Variants in C1orf87 observed in about 807,000 individuals in gnomAD.
The protein encoded by C1orf87 is chromosome 1 open reading frame 87, also known as uncharacterized protein C1orf87.
A neutral mutation model predicts 60.5 loss-of-function variants in C1orf87; 58 were observed. That is an observed-to-expected ratio of 0.96 (90% confidence interval 0.78 to 1.19). The LOEUF (loss-of-function observed/expected upper bound fraction) is 1.19. Among genes scored for constraint, C1orf87 ranks in the 50% most tolerant of loss-of-function variants. The probability of loss-of-function intolerance (pLI) is 0.00; values close to 1 mark genes in which losing one functional copy is unlikely to be tolerated. For missense variants in C1orf87, 673 were observed against 638.6 expected (o/e 1.05, Z -0.58); for synonymous variants, 236 against 227.4 (o/e 1.04, Z -0.34).
At chr1:60,055,895 G>GA (rs147776737) in intron 2 of C1orf87, among the ~76,000 whole-genome samples, 33,687 of 146,838 alleles carry the variant, frequency 0.23, 4,465 homozygotes, top group Middle Eastern at 0.35. Flanking sequence ...TTAGAGAAAA[G>GA]AAAAAAAAAA....
intron 2 of C1orf87, among the ~76,000 whole-genome samples, chr1:60,066,623 T>C (rs1200277088): frequency 1.3e-5 from 2 of 152,156 alleles, no homozygotes; most frequent in African/African-American, 4.8e-5. Context: ...TGGAATCAAC[T>C]TATTCCAAAC....
intron 3 of C1orf87, among the ~76,000 whole-genome samples, chr1:60,047,574 T>C (rs1645381692): frequency 6.6e-6 from 1 of 152,208 alleles, no homozygotes; most frequent in Non-Finnish European, 1.5e-5. Context: ...GGCCTAGTCA[T>C]TGTTTCTAAA....
chr1:60,059,861 G>C (rs1209992853), intron 2 of C1orf87, among the ~76,000 whole-genome samples: 1 of 152,130 alleles, frequency 6.6e-6, no homozygotes, highest in Non-Finnish European at 1.5e-5. Context: ...AGTGAATGGG[G>C]ATCTAATTTC....
intron 8 of C1orf87, among the ~76,000 whole-genome samples, chr1:60,012,090 C>A (rs528928066): frequency 6.6e-6 from 1 of 152,028 alleles, no homozygotes; most frequent in Non-Finnish European, 1.5e-5. Flanking sequence ...ATGGAAGCAT[C>A]TCCTGTCTTC....
At chr1:60,020,672 T>C (rs1208614788) in intron 8 of C1orf87, among the ~76,000 whole-genome samples, 2 of 152,198 alleles carry the variant, frequency 1.3e-5, no homozygotes, top group African/African-American at 4.8e-5. Context: ...ATCTTGGAAG[T>C]AAGTGACTTG....
At chr1:60,005,558 CAA>C (rs893366074) in intron 9 of C1orf87, among the ~76,000 whole-genome samples, 4 of 152,024 alleles carry the variant, frequency 2.6e-5, no homozygotes, top group Non-Finnish European at 4.4e-5. Context: ...GGAGGAGAAA[CAA>C]GAGAGCAAGC....
intron 2 of C1orf87, among the ~76,000 whole-genome samples, chr1:60,061,119 T>C (rs140272274): frequency 7.9e-5 from 12 of 152,278 alleles, no homozygotes; most frequent in African/African-American, 2.9e-4. Context: ...ACATGGTCTA[T>C]GGGAACGAGG....
intron 11 of C1orf87, among the ~76,000 whole-genome samples, chr1:59,992,302 C>T (rs1644930144): frequency 6.6e-6 from 1 of 151,820 alleles, no homozygotes; most frequent in African/African-American, 2.4e-5. Context: ...GTTGCCTAGG[C>T]TGGAGTACAG....
At chr1:60,020,112 C>T (rs1233249706) in intron 8 of C1orf87, among the ~76,000 whole-genome samples, 1 of 152,130 alleles carries the variant, frequency 6.6e-6, no homozygotes, top group African/African-American at 2.4e-5. Context: ...TTCAGAGATC[C>T]TGGCAGCTCC....
intron 11 of C1orf87, among the ~76,000 whole-genome samples, chr1:59,993,131 G>A (rs1243230917): frequency 6.6e-6 from 1 of 152,132 alleles, no homozygotes; most frequent in Non-Finnish European, 1.5e-5. Context: ...TAAGGTGGGA[G>A]GATCATTTGA....
rs1157742824 is a variant in C1orf87 at position 59,997,763 on chromosome 1, G to A, written c.1326C>T (p.Ala442=). ...QPESSPAETS[A]CKDPLKPLKI... ...TTAAAGGTTTCAGAGGATCTTTGCA[G>A]GCTGAAGTTTCAGCAGGAGAGCTTT... The change falls in exon 11 of 12, where the codon GCC becomes GCT. Residue 442 remains alanine (A), a synonymous_variant. Transcript: ENST00000371201. The A allele has an allele frequency of 2.5e-6, 4 of 1,613,906 alleles. No homozygotes were observed. Among genetic ancestry groups the A allele is most frequent in the Non-Finnish European group, 3.4e-6 (4 of 1,179,886 alleles).
chr1:60,007,126 G>T (rs1015899597), intron 9 of C1orf87, among the ~76,000 whole-genome samples: 7 of 151,886 alleles, frequency 4.6e-5, no homozygotes, highest in African/African-American at 1.7e-4. Flanking sequence ...TGCCCAGGCT[G>T]GTCTCAAACT....
intron 11 of C1orf87, among the ~76,000 whole-genome samples, chr1:59,993,764 T>TC (rs1644943193): frequency 1.3e-5 from 2 of 150,566 alleles, no homozygotes; most frequent in Non-Finnish European, 1.5e-5. Flanking sequence ...TCCTTTTTTT[T>TC]TTTTTTTTTT....
Position 60,036,011 on chromosome 1 carries a change from T to C in C1orf87, c.863+1981A>G, listed in dbSNP as rs1645273645. ...GGGATTGGCCTTGTTTTCTACCGCA[T>C]GGTCTATGACCTCTCAGGGTCAAAA... On this transcript the variant is annotated intron_variant, in intron 6 of 11. Coordinates refer to ENST00000371201, the MANE Select transcript of C1orf87 (RefSeq NM_152377.3). 1.3e-5 allele frequency among the ~76,000 whole-genome samples: 2 copies of C among 152,234 alleles called. 1 individual carries two copies. Among genetic ancestry groups the C allele is most frequent in the South Asian group, 4.1e-4 (2 of 4,834 alleles).
intron 3 of C1orf87, among the ~76,000 whole-genome samples, chr1:60,050,904 G>A (rs1332243118): frequency 6.6e-6 from 1 of 152,196 alleles, no homozygotes; most frequent in East Asian, 1.9e-4. Flanking sequence ...AACATCTACT[G>A]TAGAAGTGTG....
rs760078997 is a variant in C1orf87 at position 60,033,610 on chromosome 1, C to T, written c.895G>A (p.Glu299Lys). Residue 299 changes from glutamate (E) to lysine (K), a missense_variant, in exon 7 of 12, where the codon GAA becomes AAA. By Grantham distance (56) the Glu-to-Lys change is moderately conservative. Transcript: ENST00000371201. ...TPPQHSSSQP[E>K]VNRSLLEILK... Reference sequence around the variant, plus strand: ...ATCTCCAACAGACTCCTGTTCACTTCTGGCTGTGAGCTGGAGTGCTGAGGT... The same window carrying T: ...ATCTCCAACAGACTCCTGTTCACTTTTGGCTGTGAGCTGGAGTGCTGAGGT... 6.2e-7 allele frequency: 1 copy of T among 1,613,208 alleles called. No homozygotes were observed. The highest frequency in any genetic ancestry group is 8.5e-7 in the Non-Finnish European group (1 of 1,179,516).
At chr1:60,071,965 C>A (rs1645587113) in intron 2 of C1orf87, among the ~76,000 whole-genome samples, 5 of 152,116 alleles carry the variant, frequency 3.3e-5, no homozygotes, top group Non-Finnish European at 5.9e-5. Context: ...AAGAGCTAGT[C>A]ATACTGTTCT....
chr1:60,037,735 G>A (rs1436282982), intron 6 of C1orf87, among the ~76,000 whole-genome samples: 1 of 152,200 alleles, frequency 6.6e-6, no homozygotes, highest in African/African-American at 2.4e-5. Flanking sequence ...TTTGTAAGGA[G>A]AGGCCAGCAA....
rs1645339523 is a variant in C1orf87 at position 60,043,218 on chromosome 1, C to T, written c.343-2087G>A. Among the ~76,000 whole-genome samples the T allele has an allele frequency of 6.6e-5, 10 of 152,252 alleles. No individual in the cohort carries two copies. In the South Asian group the frequency reaches 2.1e-3, roughly 32 times the overall value. Reference sequence around the variant, plus strand: ...TTACCTTTAGCCTTGTTAGCATCTACGCTTTATTCTGAGGGCAGTGGGAGC... The same window carrying T: ...TTACCTTTAGCCTTGTTAGCATCTATGCTTTATTCTGAGGGCAGTGGGAGC... On this transcript the variant is annotated intron_variant, in intron 3 of 11. Transcript: ENST00000371201.
Sources: allele counts gnomAD v4.1 joint callset (sites outside exome capture counted in the v4.1 genomes callset), GRCh38; gene constraint gnomAD v4.1.1; transcripts MANE v1.5; gene names NCBI Gene and HGNC (gene_info 2026-07-23, HGNC 2026-07-21).